TTC29: variants seen among roughly 807,000 people sequenced by gnomAD.
The protein encoded by TTC29 is tetratricopeptide repeat protein 29.
TTC29 carries 49 observed loss-of-function variants against 58.1 expected under a neutral mutation model. The ratio of observed to expected loss-of-function variants is 0.84; its 90% CI spans 0.67 to 1.07. The LOEUF (loss-of-function observed/expected upper bound fraction) is 1.07, where lower values mean the gene tolerates loss of function less well. TTC29 is among the 50% of genes least tolerant of loss of function. The pLI is 0.00. For synonymous variants in TTC29, 209 were observed against 196.8 expected, an observed-to-expected ratio of 1.06 and a Z score of -0.52; for missense variants, 582 against 555.6, an observed-to-expected ratio of 1.05 and a Z score of -0.48.
chr4:146,786,190 T>C (rs1748996205), intron 11 of TTC29, among the ~76,000 whole-genome samples: 1 of 152,210 alleles, frequency 6.6e-6, no homozygotes, highest in African/African-American at 2.4e-5. Flanking sequence ...TCTCTCCCTC[T>C]TCGTCTTTCT....
At chr4:146,807,114 T>C (rs1750671681) in intron 10 of TTC29, among the ~76,000 whole-genome samples, 2 of 152,182 alleles carry the variant, frequency 1.3e-5, no homozygotes, top group Non-Finnish European at 2.9e-5. Context: ...ACATGGAAAC[T>C]GAACAACATG....
intron 11 of TTC29, among the ~76,000 whole-genome samples, chr4:146,718,584 T>C (rs1743112947): frequency 6.6e-6 from 1 of 152,002 alleles, no homozygotes. Flanking sequence ...GTAGAGTTGT[T>C]TGAGTTTTTT....
chr4:146,861,360 T>C (rs190761737), intron 8 of TTC29, among the ~76,000 whole-genome samples: 2 of 152,330 alleles, frequency 1.3e-5, no homozygotes, highest in Admixed American at 6.5e-5. Flanking sequence ...AATTTGATGA[T>C]GGCCAAAGGG....
chr4:146,860,573 G>A (rs899981429), intron 8 of TTC29, among the ~76,000 whole-genome samples: 1 of 151,982 alleles, frequency 6.6e-6, no homozygotes, highest in East Asian at 1.9e-4. Flanking sequence ...ATACAGCATG[G>A]ATACTCTCAA....
intron 2 of TTC29, among the ~76,000 whole-genome samples, chr4:146,942,404 AT>A (rs1736489351): frequency 6.6e-6 from 1 of 152,182 alleles, no homozygotes. Context: ...CGTAATGACA[AT>A]TTTTTTAATT....
chr4:146,733,733 G>C (rs917485906), intron 11 of TTC29, among the ~76,000 whole-genome samples: 1 of 152,132 alleles, frequency 6.6e-6, no homozygotes, highest in Non-Finnish European at 1.5e-5. Context: ...GAAGTATTAT[G>C]TTAATGATTT....
intron 11 of TTC29, among the ~76,000 whole-genome samples, chr4:146,717,682 A>C (rs1743035716): frequency 1.3e-5 from 2 of 152,162 alleles, no homozygotes; most frequent in Admixed American, 1.3e-4. Flanking sequence ...ATACAATGTG[A>C]AATGGTTAAA....
intron 11 of TTC29, among the ~76,000 whole-genome samples, chr4:146,786,041 G>C (rs1000429577): frequency 6.6e-6 from 1 of 151,800 alleles, no homozygotes; most frequent in Non-Finnish European, 1.5e-5. Context: ...TAGTAAACTT[G>C]GTTGGTTTGG....
chr4:146,899,304 CA>C (rs1277046898), intron 6 of TTC29, among the ~76,000 whole-genome samples: 6 of 152,176 alleles, frequency 3.9e-5, no homozygotes, highest in Non-Finnish European at 1.5e-5. Flanking sequence ...CCTCTGTGTG[CA>C]GCTCTAGAAT....
intron 11 of TTC29, among the ~76,000 whole-genome samples, chr4:146,783,612 G>A (rs1011397113): frequency 6.6e-6 from 1 of 151,998 alleles, no homozygotes; most frequent in Admixed American, 6.6e-5. Flanking sequence ...TATAAAATGT[G>A]CATTCATAGA....
intron 11 of TTC29, among the ~76,000 whole-genome samples, chr4:146,776,955 C>G (rs1301262908): frequency 1.3e-5 from 2 of 152,008 alleles, no homozygotes; most frequent in African/African-American, 4.8e-5. Context: ...GGAATTGGAA[C>G]AGAGAGGCAG....
chr4:146,804,330 C>A (rs1247099672), intron 10 of TTC29, among the ~76,000 whole-genome samples: 1 of 152,122 alleles, frequency 6.6e-6, no homozygotes, highest in African/African-American at 2.4e-5. Flanking sequence ...ACTGAGCTAG[C>A]TGCAGGAGTT....
intron 9 of TTC29, 50 bp downstream of exon 9, chr4:146,833,756 A>G: frequency 2.7e-6 from 4 of 1,462,888 alleles, no homozygotes; most frequent in Non-Finnish European, 3.8e-6. Flanking sequence ...TAAGCCTTTC[A>G]CAGTTGAGTG....
At chr4:146,845,608 T>C (rs1211493539) in intron 8 of TTC29, among the ~76,000 whole-genome samples, 1 of 152,160 alleles carries the variant, frequency 6.6e-6, no homozygotes, top group Non-Finnish European at 1.5e-5. Context: ...ACAGGTATTG[T>C]CACTTGCTTT....
At chr4:146,727,778 CA>C (rs1398587760) in intron 11 of TTC29, among the ~76,000 whole-genome samples, 1 of 152,110 alleles carries the variant, frequency 6.6e-6, no homozygotes, top group East Asian at 1.9e-4. Context: ...CAAGTTTTGG[CA>C]ATTATTAATA....
At chr4:146,812,471 T>C (rs999558885) in intron 10 of TTC29, among the ~76,000 whole-genome samples, 4 of 152,208 alleles carry the variant, frequency 2.6e-5, no homozygotes, top group African/African-American at 9.6e-5. Context: ...GAGCAGTAAA[T>C]GGAGTTTCCA....
chr4:146,883,544 C>A (rs1252104706), intron 6 of TTC29, among the ~76,000 whole-genome samples: 1 of 152,048 alleles, frequency 6.6e-6, no homozygotes, highest in Non-Finnish European at 1.5e-5. Context: ...TCATCCAACT[C>A]TAACACAATA....
intron 11 of TTC29, among the ~76,000 whole-genome samples, chr4:146,729,267 A>G (rs1744149907): frequency 6.6e-6 from 1 of 152,088 alleles, no homozygotes; most frequent in Non-Finnish European, 1.5e-5. Context: ...TACATTTTTC[A>G]TTTACGTTTC....
At chr4:146,730,288 C>G (rs1010621771) in intron 11 of TTC29, among the ~76,000 whole-genome samples, 2 of 151,982 alleles carry the variant, frequency 1.3e-5, no homozygotes, top group African/African-American at 4.8e-5. Flanking sequence ...AGGGCATTAC[C>G]CTAAGTGATT....
Sources: gnomAD v4.1 joint callset for allele counts (sites outside exome capture counted in the v4.1 genomes callset) on GRCh38, gnomAD v4.1.1 for gene constraint, MANE v1.5 for transcripts, NCBI Gene and HGNC (gene_info 2026-07-23, HGNC 2026-07-21) for gene names.